The following ST3GAL6 variants were observed in gnomAD, a reference collection of about 807,000 sequenced individuals.
ST3GAL6 encodes the protein ST3 beta-galactoside alpha-2,3-sialyltransferase 6.
Under a neutral mutation model 40.5 loss-of-function variants are expected in ST3GAL6, and 31 were observed. The ratio of observed to expected loss-of-function variants is 0.77; its 90% CI spans 0.58 to 1.03. The LOEUF (loss-of-function observed/expected upper bound fraction) is 1.03, where lower values mean the gene tolerates loss of function less well. Among genes scored for constraint, ST3GAL6 ranks in the 50% least tolerant of loss-of-function variants. The probability of loss-of-function intolerance (pLI) is 0.00; values close to 1 mark genes in which losing one functional copy is unlikely to be tolerated. For synonymous variants in ST3GAL6, 129 were observed against 136.9 expected (o/e 0.94, Z 0.40); for missense variants, 357 against 393.2 (o/e 0.91, Z 0.78).
At chr3:98,772,748 T>G in intron 3 of ST3GAL6, 65 bp from the exon 4 acceptor site, 1 of 1,088,846 alleles carries the variant, frequency 9.2e-7, no homozygotes, top group East Asian at 2.4e-5. Flanking sequence ...CTTTTAGTTT[T>G]GATTTTAAAA....
intron 5 of ST3GAL6, among the ~76,000 whole-genome samples, chr3:98,781,182 CATGG>C (rs1940079972): frequency 6.6e-6 from 1 of 152,102 alleles, no homozygotes; most frequent in Non-Finnish European, 1.5e-5. Context: ...TTTGCAGGGA[CATGG>C]ATGAAGCTGG....
chr3:98,735,451 A>C (rs1935460569), intron 1 of ST3GAL6, among the ~76,000 whole-genome samples: 1 of 152,236 alleles, frequency 6.6e-6, no homozygotes, highest in African/African-American at 2.4e-5. Flanking sequence ...GACTTTCACC[A>C]GCCAGGAACC....
intron 1 of ST3GAL6, among the ~76,000 whole-genome samples, chr3:98,766,179 C>G (rs1368439157): frequency 6.6e-6 from 1 of 152,084 alleles, no homozygotes; most frequent in Admixed American, 6.6e-5. Flanking sequence ...GAATGAAAAA[C>G]AACAAAACAA....
chr3:98,771,026 T>C, intron 3 of ST3GAL6, 70 bp downstream of exon 3: 1 of 1,567,684 alleles, frequency 6.4e-7, no homozygotes, highest in Non-Finnish European at 8.7e-7. Context: ...TTTTCCACAC[T>C]TGTTTATTTT....
intron 1 of ST3GAL6, among the ~76,000 whole-genome samples, chr3:98,757,897 A>G (rs371681543): frequency 6.6e-6 from 1 of 150,738 alleles, no homozygotes; most frequent in South Asian, 2.1e-4. Context: ...GTGCAGTGGC[A>G]CGATTTTGGC....
At chr3:98,762,059 GATCTGTCTAC>G (rs1454648565), upstream of ST3GAL6, among the ~76,000 whole-genome samples, 1 of 147,170 alleles carries the variant, frequency 6.8e-6, no homozygotes. Flanking sequence ...TAAGTGAAAA[GATCTGTCTAC>G]ATGTGCTAAG....
chr3:98,771,172 C>T, intron 3 of ST3GAL6: 1 of 1,472,562 alleles, frequency 6.8e-7, no homozygotes, highest in Non-Finnish European at 9.0e-7. Context: ...TCAATCAAAC[C>T]AGTATTCTTT....
intron 9 of ST3GAL6, 86 bp from the exon 10 acceptor site, chr3:98,793,588 AT>A: frequency 3.9e-6 from 3 of 774,684 alleles, no homozygotes; most frequent in Non-Finnish European, 5.9e-6. Flanking sequence ...CTTTATTCGG[AT>A]TTTTTTAGAT....
intron 1 of ST3GAL6, among the ~76,000 whole-genome samples, chr3:98,739,910 T>C (rs1427497450): frequency 6.6e-6 from 1 of 152,102 alleles, no homozygotes; most frequent in Non-Finnish European, 1.5e-5. Context: ...TTAAATGTAA[T>C]TTATAATCTT....
At chr3:98,744,509 G>C (rs1020347337) in intron 1 of ST3GAL6, among the ~76,000 whole-genome samples, 4 of 152,184 alleles carry the variant, frequency 2.6e-5, no homozygotes, top group Non-Finnish European at 5.9e-5. Context: ...CCTGGGGGCA[G>C]ACAAGTTTCA....
At chr3:98,765,602 A>G (rs867632302) in intron 1 of ST3GAL6, among the ~76,000 whole-genome samples, 23 of 151,718 alleles carry the variant, frequency 1.5e-4, no homozygotes, top group Admixed American at 3.9e-4. Flanking sequence ...TGGGTTACAT[A>G]TCTTAGTTGG....
intron 1 of ST3GAL6, chr3:98,733,091 C>T: frequency 1.5e-6 from 2 of 1,354,086 alleles, no homozygotes; most frequent in Non-Finnish European, 9.5e-7. Flanking sequence ...CCCGACCCTC[C>T]GGCTTTGCAG....
chr3:98,783,331 G>C (rs1940364540), intron 5 of ST3GAL6: 1 of 153,262 alleles, frequency 6.5e-6, no homozygotes. Context: ...TTTTATCCCT[G>C]CTCATTGAAC....
chr3:98,763,556 C>A, intron 1 of ST3GAL6, 117 bp downstream of exon 1: 1 of 962,608 alleles, frequency 1.0e-6, no homozygotes, highest in Non-Finnish European at 1.4e-6. Flanking sequence ...GGGGGATGTG[C>A]TTCTCTTATT....
At chr3:98,741,189 A>G (rs1230333332) in intron 1 of ST3GAL6, among the ~76,000 whole-genome samples, 1 of 152,020 alleles carries the variant, frequency 6.6e-6, no homozygotes, top group Non-Finnish European at 1.5e-5. Flanking sequence ...AAGGAGCAAA[A>G]ACCGTTCTCT....
intron 1 of ST3GAL6, among the ~76,000 whole-genome samples, chr3:98,751,989 T>C (rs1937039892): frequency 1.3e-5 from 2 of 152,220 alleles, no homozygotes; most frequent in Admixed American, 1.3e-4. Context: ...TTGCCAATTT[T>C]AAGGTATTTG....
At chr3:98,777,997 A>T (rs184537504) in intron 5 of ST3GAL6, among the ~76,000 whole-genome samples, 42 of 152,262 alleles carry the variant, frequency 2.8e-4, no homozygotes, top group Middle Eastern at 6.8e-3. Flanking sequence ...GTGGAAGTAC[A>T]TCCTCACACA....
In ST3GAL6 at chr3:98,772,707, G is replaced by A. The variant is rs1939126502; in HGVS notation, c.168-106G>A. 1.2e-5 allele frequency: 8 copies of A among 671,358 alleles called. No individual in the cohort carries two copies. The East Asian group carries it at 1.9e-4, about 16-fold the overall frequency. 41.6% of individuals were successfully genotyped at this position (671,358 alleles called of 1,614,324 possible). ...AAAATTATACATTTTTGTATAGCCA[G>A]TATAATGATATGGATTATATGCTGT... On this transcript the variant is annotated intron_variant, in intron 3 of 9. Coordinates refer to ENST00000483910, the MANE Select transcript of ST3GAL6 (RefSeq NM_001323368.2).
intron 2 of ST3GAL6, among the ~76,000 whole-genome samples, chr3:98,769,653 C>T (rs754499566): frequency 6.6e-6 from 1 of 152,162 alleles, no homozygotes; most frequent in Non-Finnish European, 1.5e-5. Flanking sequence ...CCATGTCACT[C>T]CTCAGCTAAC....
Sources: allele counts gnomAD v4.1 joint callset (sites outside exome capture counted in the v4.1 genomes callset), GRCh38; gene constraint gnomAD v4.1.1; transcripts MANE v1.5; gene names NCBI Gene and HGNC (gene_info 2026-07-23, HGNC 2026-07-21).